DCUN1D1: variants seen among roughly 807,000 people sequenced by gnomAD.
The protein encoded by DCUN1D1 is defective in cullin neddylation 1 domain containing 1.
A neutral mutation model predicts 39.0 loss-of-function variants in DCUN1D1; 3 were observed. That is an observed-to-expected ratio of 0.08 (90% CI 0.04 to 0.20). DCUN1D1 has a LOEUF of 0.20. DCUN1D1 is among the 10% of genes least tolerant of loss of function. The pLI is 1.00. For missense variants in DCUN1D1, 158 were observed against 302.4 expected (o/e 0.52, Z 3.54); for synonymous variants, 82 against 96.3 (o/e 0.85, Z 0.87).
At chr3:182,975,338 A>G (rs1254571964) in intron 1 of DCUN1D1, among the ~76,000 whole-genome samples, 2 of 151,766 alleles carry the variant, frequency 1.3e-5, no homozygotes, top group Non-Finnish European at 2.9e-5. Context: ...TACCACATCC[A>G]GCTAATTTTT....
intron 4 of DCUN1D1, among the ~76,000 whole-genome samples, chr3:182,954,781 C>T (rs981024252): frequency 2.0e-5 from 3 of 152,086 alleles, no homozygotes; most frequent in African/African-American, 7.2e-5. Context: ...TACCAAAAGG[C>T]ACTTACTGAG....
intron 1 of DCUN1D1, among the ~76,000 whole-genome samples, chr3:182,972,050 GTTTTTTTT>G (rs397877483): frequency 1.8e-5 from 2 of 108,876 alleles, no homozygotes; most frequent in Non-Finnish European, 3.8e-5. Flanking sequence ...TCTATTTAGG[GTTTTTTTT>G]TTTTTTTTTT....
chr3:182,964,128 A>G (rs200467854), intron 2 of DCUN1D1, 79 bp from the exon 3 acceptor site: 3 of 1,236,278 alleles, frequency 2.4e-6, no homozygotes, highest in East Asian at 2.4e-5. Flanking sequence ...AATGCTTTAT[A>G]TGCCATTTTT....
chr3:182,964,112 A>G, intron 2 of DCUN1D1, 63 bp from the exon 3 acceptor site: 1 of 1,419,344 alleles, frequency 7.0e-7, no homozygotes, highest in South Asian at 1.3e-5. Flanking sequence ...GAAAACTGAA[A>G]AAGGTAATGC....
chr3:182,980,343 G>GC (rs978385522), intron 1 of DCUN1D1, 144 bp downstream of exon 1: 32 of 528,306 alleles, frequency 6.1e-5, no homozygotes, highest in Non-Finnish European at 7.3e-5. Flanking sequence ...AGGCAGGAGA[G>GC]CCCCCGCCTG....
At chr3:182,965,492 A>T (rs781759978) in intron 2 of DCUN1D1, 45 bp downstream of exon 2, 2 of 1,372,622 alleles carry the variant, frequency 1.5e-6, no homozygotes, top group Non-Finnish European at 2.0e-6. Flanking sequence ...ATCTCTTTGG[A>T]AAATCTGGTC....
At chr3:182,951,309 T>C (rs1176926927) in intron 4 of DCUN1D1, among the ~76,000 whole-genome samples, 2 of 152,078 alleles carry the variant, frequency 1.3e-5, no homozygotes, top group Non-Finnish European at 2.9e-5. Flanking sequence ...AAAATAAGGA[T>C]GATGATGAAA....
chr3:182,970,873 T>C (rs6762497), intron 1 of DCUN1D1, among the ~76,000 whole-genome samples: 5,922 of 152,224 alleles, frequency 0.039, 401 homozygotes, highest in African/African-American at 0.13. Flanking sequence ...GGCCCTCCAA[T>C]AGACTACAGG....
At chr3:182,958,277 T>A (rs993520401) in intron 4 of DCUN1D1, among the ~76,000 whole-genome samples, 1 of 152,152 alleles carries the variant, frequency 6.6e-6, no homozygotes, top group African/African-American at 2.4e-5. Flanking sequence ...TTCTTTTTTT[T>A]AATTAATAGA....
intron 1 of DCUN1D1, among the ~76,000 whole-genome samples, chr3:182,973,443 G>A (rs1728050630): frequency 6.6e-6 from 1 of 152,202 alleles, no homozygotes; most frequent in South Asian, 2.1e-4. Flanking sequence ...GTACTACTAA[G>A]TCCAGTAGGA....
At position 182,960,242 on chromosome 3, in the gene DCUN1D1, C is replaced by T. The variant is rs191574941; in HGVS notation, c.520+984G>A. 2.0e-5 allele frequency among the ~76,000 whole-genome samples: 3 copies of T among 151,896 alleles called. No homozygotes were observed. The East Asian group carries it at 5.8e-4, about 29-fold the overall frequency. ...CATCATCAAAATCTTCATTGGGTCC[C>T]CATTTCCCACAAATTCCAATTTAAA... On this transcript the variant is annotated intron_variant, in intron 4 of 6. Coordinates refer to ENST00000292782, the MANE Select transcript of DCUN1D1 (RefSeq NM_020640.4).
intron 6 of DCUN1D1, among the ~76,000 whole-genome samples, chr3:182,947,003 G>C (rs1041039884): frequency 6.6e-6 from 1 of 152,088 alleles, no homozygotes; most frequent in Admixed American, 6.5e-5. Context: ...TTGGGAGGCT[G>C]AGGCAGGAGG....
intron 1 of DCUN1D1, among the ~76,000 whole-genome samples, chr3:182,973,051 A>AG (rs138861832): frequency 0.033 from 4,950 of 151,504 alleles, 267 homozygotes; most frequent in African/African-American, 0.11. Context: ...TCAAAAAAAA[A>AG]GGGGGGGGCT....
rs1364621574 is a variant in DCUN1D1, at chr3:182,975,145, T to C, written c.3+5342A>G. Among the ~76,000 whole-genome samples the C allele has an allele frequency of 3.9e-5, 6 of 152,124 alleles. 1 individual carries two copies. The highest frequency in any genetic ancestry group is 2.6e-4 in the Admixed American group (4 of 15,264). On this transcript the variant is annotated intron_variant, in intron 1 of 6. Coordinates refer to ENST00000292782, the MANE Select transcript of DCUN1D1 (RefSeq NM_020640.4). ...CACTTGACCCAAATGACCTGTTCTT[T>C]TAAAACTTTTTTAAAAAAATTAACA...
chr3:182,949,678 G>A, intron 4 of DCUN1D1, among the ~76,000 whole-genome samples: 1 of 152,094 alleles, frequency 6.6e-6, no homozygotes. Flanking sequence ...CTATGATCAT[G>A]CCACTGCACT....
intron 1 of DCUN1D1, among the ~76,000 whole-genome samples, chr3:182,972,811 G>T (rs552137270): frequency 6.6e-6 from 1 of 152,122 alleles, no homozygotes; most frequent in Non-Finnish European, 1.5e-5. Context: ...GAGGCCAAGA[G>T]GGGGGCGGAT....
chr3:182,960,594 C>T (rs1727331670), intron 4 of DCUN1D1, among the ~76,000 whole-genome samples: 1 of 152,208 alleles, frequency 6.6e-6, no homozygotes, highest in Non-Finnish European at 1.5e-5. Context: ...AAAACCCTTA[C>T]ATACTTTTAT....
intron 1 of DCUN1D1, among the ~76,000 whole-genome samples, chr3:182,972,055 T>TG (rs1323767917): frequency 7.5e-4 from 109 of 145,850 alleles, no homozygotes; most frequent in African/African-American, 2.9e-3. Flanking sequence ...TTAGGGTTTT[T>TG]TTTTTTTTTT....
upstream of DCUN1D1, among the ~76,000 whole-genome samples, chr3:182,983,631 C>A (rs1728630606): frequency 6.6e-6 from 1 of 152,062 alleles, no homozygotes; most frequent in Admixed American, 6.5e-5. Context: ...CGCTTGAACC[C>A]TGGAGGCAGA....
Sources: allele counts gnomAD v4.1 joint callset (sites outside exome capture counted in the v4.1 genomes callset), GRCh38; gene constraint gnomAD v4.1.1; transcripts MANE v1.5; gene names NCBI Gene and HGNC (gene_info 2026-07-23, HGNC 2026-07-21).